Variants in SNX10 observed in about 807,000 individuals in gnomAD.
SNX10 encodes the protein sorting nexin-10.
In SNX10, 25 loss-of-function variants were observed where a neutral mutation model predicts 28.5. The ratio of observed to expected loss-of-function variants is 0.88; its 90% CI spans 0.64 to 1.22. SNX10 has a LOEUF of 1.22. Among genes scored for constraint, SNX10 ranks in the 50% most tolerant of loss-of-function variants. The pLI, the probability that SNX10 is intolerant of heterozygous loss-of-function variation, is 0.00. For missense variants in SNX10, 223 were observed against 242.6 expected (o/e 0.92, Z 0.54); for synonymous variants, 62 against 81.4 (o/e 0.76, Z 1.28).
intron 1 of SNX10, among the ~76,000 whole-genome samples, chr7:26,332,206 G>C (rs1419076930): frequency 6.6e-6 from 1 of 152,166 alleles, no homozygotes; most frequent in Non-Finnish European, 1.5e-5. Context: ...CACCAGTAGT[G>C]TATGAAGGTT....
rs79256489 is a variant in SNX10, at chr7:26,305,470, T to C, written c.-24+13384T>C. Among the ~76,000 whole-genome samples, 236 of 152,304 alleles carry C rather than the reference T, an allele frequency of 1.5e-3. No homozygotes were observed. In the East Asian group the frequency reaches 0.022, roughly 14 times the overall value. ...GCGTTTGGAAGAGCTGGGGAGAAGA[T>C]GTGCTCTTCCTGCTGCCCCCGAAGG... On this transcript the variant is annotated intron_variant, in intron 1 of 6. Coordinates refer to ENST00000338523, the MANE Select transcript of SNX10 (RefSeq NM_013322.3).
chr7:26,343,316 T>A (rs1452164980), intron 1 of SNX10, among the ~76,000 whole-genome samples: 2 of 152,142 alleles, frequency 1.3e-5, no homozygotes, highest in Non-Finnish European at 2.9e-5. Context: ...CAGACTGGCT[T>A]TGGTTGCAGT....
intron 1 of SNX10, among the ~76,000 whole-genome samples, chr7:26,315,979 G>A (rs541187383): frequency 1.3e-4 from 19 of 151,884 alleles, no homozygotes; most frequent in African/African-American, 3.9e-4. Context: ...TCAGGAGATC[G>A]AGACCATCCT....
In SNX10 at chr7:26,365,582, T is replaced by G. The variant is rs368272857; in HGVS notation, c.311+437T>G. Among the ~76,000 whole-genome samples, 8 of 152,186 alleles carry G rather than the reference T, an allele frequency of 5.3e-5. No homozygotes were observed. The East Asian group carries it at 5.8e-4, about 11-fold the overall frequency. ...TATCCTTCTGGGTTCCTCTAATAGT[T>G]TAACGCTGATCTTTGAAGGGAATGT... On this transcript the variant is annotated intron_variant, in intron 5 of 6. Transcript: ENST00000338523.
intron 1 of SNX10, among the ~76,000 whole-genome samples, chr7:26,339,652 C>T (rs1009608637): frequency 1.5e-4 from 22 of 151,434 alleles, no homozygotes; most frequent in African/African-American, 5.1e-4. Context: ...GCCTCAGCCT[C>T]CCGAGTAGCT....
At chr7:26,330,657 G>C (rs1444613406) in intron 1 of SNX10, among the ~76,000 whole-genome samples, 1 of 152,128 alleles carries the variant, frequency 6.6e-6, no homozygotes, top group Non-Finnish European at 1.5e-5. Flanking sequence ...ATGTTGCTTG[G>C]AGGCCCTTCA....
intron 1 of SNX10, among the ~76,000 whole-genome samples, chr7:26,316,322 C>G (rs1047248211): frequency 6.6e-6 from 1 of 152,114 alleles, no homozygotes; most frequent in African/African-American, 2.4e-5. Flanking sequence ...TGACAGCAAC[C>G]CAGGATTTTC....
chr7:26,328,609 A>G (rs1267597650), intron 1 of SNX10, among the ~76,000 whole-genome samples: 1 of 152,188 alleles, frequency 6.6e-6, no homozygotes, highest in Non-Finnish European at 1.5e-5. Flanking sequence ...GGAAGGCAAC[A>G]GGGAATCTGT....
At chr7:26,296,268 A>G (rs1438526748) in intron 1 of SNX10, among the ~76,000 whole-genome samples, 3 of 151,962 alleles carry the variant, frequency 2.0e-5, no homozygotes. Flanking sequence ...GAAGACTAAA[A>G]GAGTTGGGTT....
chr7:26,334,688 G>T (rs529821045), intron 1 of SNX10, among the ~76,000 whole-genome samples: 4 of 152,214 alleles, frequency 2.6e-5, no homozygotes, highest in Non-Finnish European at 5.9e-5. Context: ...TATGTCCTAT[G>T]AACCAGTATT....
At chr7:26,316,181 C>CA (rs397970319) in intron 1 of SNX10, among the ~76,000 whole-genome samples, 3,921 of 71,682 alleles carry the variant, frequency 0.055, 131 homozygotes, top group African/African-American at 0.11. Flanking sequence ...GAGACTGTCT[C>CA]AAAAAAAAAA....
At chr7:26,333,322 C>CTTTTTTTTT (rs10636369) in intron 1 of SNX10, among the ~76,000 whole-genome samples, 1 of 113,702 alleles carries the variant, frequency 8.8e-6, no homozygotes, top group Non-Finnish European at 1.8e-5. Flanking sequence ...GTATTTTATT[C>CTTTTTTTTT]TTTTTTTTTT....
intron 1 of SNX10, among the ~76,000 whole-genome samples, chr7:26,336,486 T>A (rs1392385422): frequency 6.6e-6 from 1 of 152,158 alleles, no homozygotes; most frequent in Non-Finnish European, 1.5e-5. Flanking sequence ...AGTGGATGAC[T>A]TGAGGTCAGG....
At chr7:26,351,071 T>TC (rs1218706438) in intron 2 of SNX10, among the ~76,000 whole-genome samples, 2 of 152,238 alleles carry the variant, frequency 1.3e-5, no homozygotes, top group East Asian at 3.8e-4. Context: ...TATATATATG[T>TC]ATATGTCATT....
chr7:26,294,492 G>C (rs1272697418), intron 1 of SNX10, among the ~76,000 whole-genome samples: 1 of 152,122 alleles, frequency 6.6e-6, no homozygotes, highest in African/African-American at 2.4e-5. Flanking sequence ...TCCAGGCATC[G>C]TGACATTATC....
intron 1 of SNX10, among the ~76,000 whole-genome samples, chr7:26,333,712 T>C (rs1787827099): frequency 6.6e-6 from 1 of 151,914 alleles, no homozygotes; most frequent in Non-Finnish European, 1.5e-5. Context: ...AGGGGTAGAG[T>C]GAGTAGAATT....
intron 1 of SNX10, among the ~76,000 whole-genome samples, chr7:26,324,518 C>G (rs958707944): frequency 6.6e-5 from 10 of 152,084 alleles, no homozygotes; most frequent in Non-Finnish European, 1.2e-4. Flanking sequence ...CATACCACAC[C>G]TGGATAATTT....
intron 1 of SNX10, among the ~76,000 whole-genome samples, chr7:26,318,517 G>A (rs1347107616): frequency 6.6e-6 from 1 of 152,046 alleles, no homozygotes; most frequent in Admixed American, 6.6e-5. Context: ...GCCCAGGTTG[G>A]AGTGCAATGG....
intron 3 of SNX10, among the ~76,000 whole-genome samples, 194 bp downstream of exon 3, chr7:26,361,255 A>AT (rs1789055301): frequency 6.6e-6 from 1 of 152,138 alleles, no homozygotes; most frequent in African/African-American, 2.4e-5. Flanking sequence ...TGAATCCCTT[A>AT]TTGTTCCTTT....
Sources: allele counts gnomAD v4.1 joint callset (sites outside exome capture counted in the v4.1 genomes callset), GRCh38; gene constraint gnomAD v4.1.1; transcripts MANE v1.5; gene names NCBI Gene and HGNC (gene_info 2026-07-23, HGNC 2026-07-21).